NPIPB11: variants seen among roughly 807,000 people sequenced by gnomAD.
NPIPB11 encodes the protein nuclear pore complex-interacting protein family member B11.
In NPIPB11, 17 loss-of-function variants were observed where a neutral mutation model predicts 32.8. The observed-to-expected ratio is 0.52, with a 90% confidence interval of 0.35 to 0.78. The LOEUF (loss-of-function observed/expected upper bound fraction) is 0.78. NPIPB11 is among the 30% of genes least tolerant of loss of function. The pLI, the probability that NPIPB11 is intolerant of heterozygous loss-of-function variation, is 0.01. For missense variants in NPIPB11, 537 were observed against 1,000.4 expected (o/e 0.54, Z 6.25); for synonymous variants, 209 against 398.4 (o/e 0.52, Z 5.66).
chr16:29,389,603 G>A (rs1963659610), intron 5 of NPIPB11, among the ~76,000 whole-genome samples: 1 of 136,900 alleles, frequency 7.3e-6, no homozygotes, highest in African/African-American at 2.8e-5. Context: ...GAACCCAAAA[G>A]GCAGTGAGCT....
chr16:29,391,096 G>A (rs1439663085), intron 3 of NPIPB11, among the ~76,000 whole-genome samples: 13 of 149,104 alleles, frequency 8.7e-5, no homozygotes, highest in African/African-American at 2.2e-4. Flanking sequence ...GTGAAACCCC[G>A]TCTCTACTAA....
At chr16:29,390,822 G>A (rs1252280740) in intron 3 of NPIPB11, among the ~76,000 whole-genome samples, 1 of 151,722 alleles carries the variant, frequency 6.6e-6, no homozygotes, top group East Asian at 1.9e-4. Context: ...AATTAGCCAG[G>A]CATGGTGGTG....
At chr16:29,399,848 G>A (rs1424659727) in intron 2 of NPIPB11, among the ~76,000 whole-genome samples, 1 of 152,086 alleles carries the variant, frequency 6.6e-6, no homozygotes, top group Non-Finnish European at 1.5e-5. Context: ...GGAGGCTGAG[G>A]CAGGCGCATC....
chr16:29,398,637 C>G (rs1963918201), intron 2 of NPIPB11, among the ~76,000 whole-genome samples: 3 of 151,990 alleles, frequency 2.0e-5, no homozygotes, highest in South Asian at 2.1e-4. Flanking sequence ...GATCATGTAA[C>G]TGTGCTAGAA....
At chr16:29,389,686 A>G (rs1963663236) in intron 5 of NPIPB11, among the ~76,000 whole-genome samples, 4 of 136,366 alleles carry the variant, frequency 2.9e-5, no homozygotes, top group Admixed American at 7.5e-5. Context: ...AAAAAAAAAA[A>G]AAAAAAAAAA....
At chr16:29,389,642 G>A (rs1366070801) in intron 5 of NPIPB11, among the ~76,000 whole-genome samples, 1 of 106,928 alleles carries the variant, frequency 9.4e-6, no homozygotes, top group Non-Finnish European at 1.7e-5. Flanking sequence ...TACAGCCTGG[G>A]CAACAACAGC....
At chr16:29,399,474 G>T (rs1003893645) in intron 2 of NPIPB11, among the ~76,000 whole-genome samples, 1 of 149,348 alleles carries the variant, frequency 6.7e-6, no homozygotes, top group Non-Finnish European at 1.5e-5. Flanking sequence ...GGCCGAGGTG[G>T]GTGGATCACA....
intron 2 of NPIPB11, among the ~76,000 whole-genome samples, chr16:29,397,057 G>C (rs1482605476): frequency 6.6e-6 from 1 of 151,148 alleles, no homozygotes. Context: ...TGTAATCTGA[G>C]CTACTCAGGA....
chr16:29,396,038 T>A (rs1190013922), intron 2 of NPIPB11, among the ~76,000 whole-genome samples: 3 of 149,244 alleles, frequency 2.0e-5, no homozygotes, highest in Non-Finnish European at 3.0e-5. Flanking sequence ...AGTGTGGGAT[T>A]TCTCTAAGAT....
intron 3 of NPIPB11, among the ~76,000 whole-genome samples, chr16:29,392,309 G>A (rs1596676864): frequency 6.6e-6 from 1 of 151,846 alleles, no homozygotes; most frequent in Non-Finnish European, 1.5e-5. Context: ...AGGAGGTAAT[G>A]GTATAGATGA....
At chr16:29,406,338 A>C (rs1238355483), upstream of NPIPB11, among the ~76,000 whole-genome samples, 1 of 152,280 alleles carries the variant, frequency 6.6e-6, no homozygotes, top group African/African-American at 2.4e-5. Context: ...ACGTGTTCCA[A>C]AAATTGCATA....
At chr16:29,383,176 G>A (rs758836002) in exon 8 of NPIPB11, 3 of 1,594,852 alleles carry the variant, frequency 1.9e-6, no homozygotes, top group Admixed American at 1.7e-5. Flanking sequence ...AACTGCAGAT[G>A]CTCGGCAGGT....
At chr16:29,401,028 G>T in intron 2 of NPIPB11, among the ~76,000 whole-genome samples, 1 of 152,026 alleles carries the variant, frequency 6.6e-6, no homozygotes, top group East Asian at 1.9e-4. Flanking sequence ...TCATTGAATG[G>T]GCACTTGAGT....
At chr16:29,401,576 C>G (rs1323587114) in intron 2 of NPIPB11, among the ~76,000 whole-genome samples, 1 of 152,166 alleles carries the variant, frequency 6.6e-6, no homozygotes. Flanking sequence ...TCCACAGTCT[C>G]CCATGTAGGC....
intron 5 of NPIPB11, 147 bp downstream of exon 5, chr16:29,389,794 A>T (rs1254943170): frequency 8.3e-7 from 1 of 1,198,850 alleles, no homozygotes; most frequent in Non-Finnish European, 1.2e-6. Flanking sequence ...TACAGCTTAA[A>T]CTAATGAAGC....
chr16:29,397,168 C>A (rs891586854), intron 2 of NPIPB11, among the ~76,000 whole-genome samples: 1 of 97,804 alleles, frequency 1.0e-5, no homozygotes, highest in Non-Finnish European at 2.2e-5. Flanking sequence ...GAGACTCTGT[C>A]TAAAAAAAAA....
chr16:29,390,961 CAAAA>C (rs1173802573), intron 3 of NPIPB11, among the ~76,000 whole-genome samples: 11 of 84,540 alleles, frequency 1.3e-4, no homozygotes, highest in African/African-American at 3.3e-4. Context: ...GAAACTGTCT[CAAAA>C]AAAAAAAAAA....
At chr16:29,401,712 T>C (rs1963995541) in intron 2 of NPIPB11, among the ~76,000 whole-genome samples, 1 of 152,110 alleles carries the variant, frequency 6.6e-6, no homozygotes, top group Admixed American at 6.6e-5. Flanking sequence ...GTGAAGTGTG[T>C]CACCTCGAGG....
intron 2 of NPIPB11, among the ~76,000 whole-genome samples, chr16:29,402,917 A>G (rs1268820300): frequency 7.1e-6 from 1 of 141,632 alleles, no homozygotes; most frequent in African/African-American, 2.8e-5. Context: ...GGAGAATAAA[A>G]AATATGTATT....
Sources: allele counts gnomAD v4.1 joint callset (sites outside exome capture counted in the v4.1 genomes callset), GRCh38; gene constraint gnomAD v4.1.1; transcripts MANE v1.5; gene names NCBI Gene and HGNC (gene_info 2026-07-23, HGNC 2026-07-21).